Variants in HIP1 observed in about 807,000 individuals in gnomAD.
HIP1 encodes huntingtin-interacting protein 1.
A neutral mutation model predicts 147.6 loss-of-function variants in HIP1; 65 were observed. The ratio of observed to expected loss-of-function variants is 0.44; its 90% CI spans 0.36 to 0.54. The LOEUF (loss-of-function observed/expected upper bound fraction) is 0.54, where lower values mean the gene tolerates loss of function less well. Among genes scored for constraint, HIP1 ranks in the 20% least tolerant of loss-of-function variants. The pLI is 0.00. For synonymous variants in HIP1, 479 were observed against 504.0 expected (o/e 0.95, Z 0.67); for missense variants, 1,061 against 1,299.6 (o/e 0.82, Z 2.82).
chr7:75,643,509 C>T (rs957798745), intron 1 of HIP1, among the ~76,000 whole-genome samples: 3 of 151,898 alleles, frequency 2.0e-5, no homozygotes, highest in South Asian at 2.1e-4. Context: ...TCAGGAAAGG[C>T]GTAGAATGGG....
intron 1 of HIP1, among the ~76,000 whole-genome samples, chr7:75,635,956 G>A (rs1451577977): frequency 1.3e-5 from 2 of 149,982 alleles, no homozygotes; most frequent in Non-Finnish European, 3.0e-5. Context: ...CCTGGAAGGC[G>A]GACGTTGCAA....
At chr7:75,737,613 T>A (rs1470945701) in intron 1 of HIP1, among the ~76,000 whole-genome samples, 1 of 152,108 alleles carries the variant, frequency 6.6e-6, no homozygotes, top group Admixed American at 6.6e-5. Context: ...CCCAAAGTGC[T>A]GGGATTACAG....
chr7:75,573,987 A>T (rs1554497173), intron 7 of HIP1, 86 bp from the exon 8 acceptor site: 1 of 1,219,592 alleles, frequency 8.2e-7, no homozygotes, highest in African/African-American at 1.5e-5. Flanking sequence ...GGGGTCCAAC[A>T]TACACCAAGG....
At chr7:75,715,744 C>T (rs1801296094) in intron 1 of HIP1, among the ~76,000 whole-genome samples, 1 of 126,490 alleles carries the variant, frequency 7.9e-6, no homozygotes, top group Non-Finnish European at 1.6e-5. Context: ...CACTGCACTC[C>T]AGCCTAGGCA....
intron 1 of HIP1, among the ~76,000 whole-genome samples, chr7:75,669,036 G>A (rs530832919): frequency 6.6e-6 from 1 of 151,116 alleles, no homozygotes; most frequent in East Asian, 2.0e-4. Flanking sequence ...TGGCCAACAC[G>A]GCGAAACCTC....
intron 1 of HIP1, among the ~76,000 whole-genome samples, chr7:75,664,914 C>A (rs1799508611): frequency 1.3e-5 from 2 of 152,084 alleles, no homozygotes; most frequent in African/African-American, 2.4e-5. Context: ...AGCCATCATG[C>A]CCAGTCCAGA....
rs1353454339 is a variant in HIP1 at position 75,628,879 on chromosome 7, CAG to C, written c.121-29634_121-29633del. Among the ~76,000 whole-genome samples the C allele has an allele frequency of 2.6e-5, 4 of 152,296 alleles. No homozygotes were observed. In the East Asian group the frequency reaches 7.7e-4, roughly 29 times the overall value. On this transcript the variant is annotated intron_variant, in intron 1 of 30. Coordinates refer to ENST00000336926, the MANE Select transcript of HIP1 (RefSeq NM_005338.7). ...GGTGGGTCCTCAGTGTCTGCTGACTCAGGGGACAATCTTCACATATACAGGGC... is the reference window on the plus strand; with the variant it reads ...GGTGGGTCCTCAGTGTCTGCTGACTCGGGACAATCTTCACATATACAGGGC...
intron 16 of HIP1, among the ~76,000 whole-genome samples, chr7:75,557,444 A>G (rs1196737816): frequency 1.3e-5 from 2 of 152,106 alleles, no homozygotes; most frequent in African/African-American, 4.8e-5. Context: ...GCCTTTGTTG[A>G]TTAACCCCAG....
chr7:75,737,146 G>A (rs544182881), intron 1 of HIP1, among the ~76,000 whole-genome samples: 1 of 152,022 alleles, frequency 6.6e-6, no homozygotes, highest in African/African-American at 2.4e-5. Flanking sequence ...GGCAGGTATC[G>A]AACTCCTGGG....
intron 1 of HIP1, among the ~76,000 whole-genome samples, chr7:75,720,360 C>T (rs552753931): frequency 1.3e-5 from 2 of 152,038 alleles, no homozygotes; most frequent in African/African-American, 2.4e-5. Context: ...GGGGTTTCAC[C>T]GTGTTGGTAA....
At chr7:75,633,459 AT>A (rs1798309811) in intron 1 of HIP1, among the ~76,000 whole-genome samples, 1 of 151,878 alleles carries the variant, frequency 6.6e-6, no homozygotes, top group African/African-American at 2.4e-5. Context: ...CACCTGGCTA[AT>A]TTTTGTATTT....
Position 75,536,383 on chromosome 7 carries a change from G to A in HIP1, c.*1789C>T, listed in dbSNP as rs1010683440. On this transcript the variant is annotated 3_prime_UTR_variant, in exon 31 of 31. Coordinates refer to ENST00000336926, the MANE Select transcript of HIP1 (RefSeq NM_005338.7). ...CTAGGGAGATGGGGGTTGGTTCACA[G>A]TGATCAAACAGAAGTCTCACAACCC... is the stretch of plus-strand genomic sequence containing the variant. 19 of 222,692 alleles carry A rather than the reference G, an allele frequency of 8.5e-5. No homozygotes were observed. 13.8% of individuals were successfully genotyped at this position (222,692 alleles called of 1,614,324 possible).
At chr7:75,676,469 T>C (rs782676258) in intron 1 of HIP1, among the ~76,000 whole-genome samples, 6 of 152,122 alleles carry the variant, frequency 3.9e-5, no homozygotes, top group Non-Finnish European at 8.8e-5. Flanking sequence ...ACCAGGAGGA[T>C]GTCAGAGCTT....
At position 75,592,509 on chromosome 7, in the gene HIP1, T is replaced by C; in HGVS notation, c.190A>G (p.Ile64Val). 1.2e-6 allele frequency: 2 copies of C among 1,610,264 alleles called. No individual in the cohort carries two copies. Among genetic ancestry groups the C allele is most frequent in the Non-Finnish European group, 1.7e-6 (2 of 1,179,200 alleles). The change falls in exon 3 of 31, where the codon ATA (isoleucine) becomes GTA (valine). Residue 64 changes from isoleucine to valine, a missense_variant. Coordinates refer to ENST00000336926, the MANE Select transcript of HIP1 (RefSeq NM_005338.7). ...AVKEKHARTC[I>V]LGTHHEKGAQ... is the part of the protein sequence containing the mutation. ...CCTTTCTCATGGTGGGTGCCCAGTA[T>C]GCACGGTGAGGGGGGGTTATGGAAA...
At chr7:75,620,767 G>A (rs1368618495) in intron 1 of HIP1, among the ~76,000 whole-genome samples, 1 of 152,032 alleles carries the variant, frequency 6.6e-6, no homozygotes, top group African/African-American at 2.4e-5. Context: ...TGTCCTCACG[G>A]AGCTTATATT....
intron 1 of HIP1, among the ~76,000 whole-genome samples, chr7:75,734,123 G>A (rs1244181042): frequency 6.6e-6 from 1 of 151,978 alleles, no homozygotes; most frequent in African/African-American, 2.4e-5. Context: ...GCGCTCGCCT[G>A]TAATCCCAGC....
At chr7:75,715,737 T>G (rs1801295892) in intron 1 of HIP1, among the ~76,000 whole-genome samples, 1 of 125,472 alleles carries the variant, frequency 8.0e-6, no homozygotes, top group Non-Finnish European at 1.6e-5. Context: ...ATCATGCCAC[T>G]GCACTCCAGC....
intron 22 of HIP1, among the ~76,000 whole-genome samples, chr7:75,550,944 C>T (rs1794759774): frequency 6.6e-6 from 1 of 151,994 alleles, no homozygotes; most frequent in South Asian, 2.1e-4. Context: ...AAATTAATAA[C>T]AACCCAAACT....
At chr7:75,574,395 C>A (rs879975524) in intron 7 of HIP1, among the ~76,000 whole-genome samples, 10 of 150,350 alleles carry the variant, frequency 6.7e-5, no homozygotes, top group Non-Finnish European at 1.5e-4. Flanking sequence ...TCGAGACCAG[C>A]CTCTCCAACA....
Sources: gnomAD v4.1 joint callset for allele counts (sites outside exome capture counted in the v4.1 genomes callset) on GRCh38, gnomAD v4.1.1 for gene constraint, MANE v1.5 for transcripts, NCBI Gene and HGNC (gene_info 2026-07-23, HGNC 2026-07-21) for gene names.